FAM200B: variants seen among roughly 807,000 people sequenced by gnomAD.
The protein encoded by FAM200B is zinc finger BED-type containing 11.
A neutral mutation model predicts 33.1 loss-of-function variants in FAM200B; 32 were observed. That is an observed-to-expected ratio of 0.97 (90% CI 0.73 to 1.30). The LOEUF is 1.30. Among genes scored for constraint, FAM200B ranks in the 50% most tolerant of loss-of-function variants. The pLI, the probability that FAM200B is intolerant of heterozygous loss-of-function variation, is 0.00. For synonymous variants in FAM200B, 240 were observed against 264.8 expected (o/e 0.91, Z 0.91); for missense variants, 741 against 754.0 (o/e 0.98, Z 0.20).
Position 15,688,924 on chromosome 4 carries a change from T to TA in FAM200B, c.1948dup (p.Met650AsnfsTer16). On this transcript the variant is annotated frameshift_variant, in exon 2 of 2. Transcript: ENST00000422728. LOFTEE classifies it high-confidence loss of function. ...CCTGTGTTCCAGACTGGAATGAACTTATGAACAGGCAAGCACACCCATCAT... is the reference window on the plus strand; with the variant it reads ...CCTGTGTTCCAGACTGGAATGAACTTAATGAACAGGCAAGCACACCCATCAT... 1.3e-6 allele frequency: 2 copies of TA among 1,524,712 alleles called. No homozygotes were observed. The highest frequency in any genetic ancestry group is 1.2e-5 in the South Asian group (1 of 80,428). The allele number at this position is 1,524,712 out of a possible 1,614,324, so 94.4% of individuals were successfully genotyped here.
At chr4:15,666,230 C>A in the FAM200B span, among the ~76,000 whole-genome samples, 1 of 151,866 alleles carries the variant, frequency 6.6e-6, no homozygotes, top group South Asian at 2.1e-4. Context: ...TAGACTCCAC[C>A]ACCACAAAAA....
chr4:15,680,704 G>A (rs1452880638), upstream of FAM200B, among the ~76,000 whole-genome samples: 2 of 151,804 alleles, frequency 1.3e-5, no homozygotes, highest in Non-Finnish European at 2.9e-5. Flanking sequence ...TCCAGTTGGA[G>A]AATCAAAAAT....
At chr4:15,639,846 G>A in the FAM200B span, among the ~76,000 whole-genome samples, 2 of 152,254 alleles carry the variant, frequency 1.3e-5, no homozygotes, top group African/African-American at 4.8e-5. Context: ...TTGATTATAA[G>A]GTGAAGCTAT....
Position 15,689,132 on chromosome 4 carries a change from A to C in FAM200B, c.*181A>C, listed in dbSNP as rs1719180356. 6.4e-6 allele frequency: 3 copies of C among 466,100 alleles called. No homozygotes were observed. The East Asian group carries it at 1.1e-4, about 17-fold the overall frequency. 28.9% of individuals were successfully genotyped at this position (466,100 alleles called of 1,614,324 possible). On this transcript the variant is annotated 3_prime_UTR_variant, in exon 2 of 2. Coordinates refer to ENST00000422728, the MANE Select transcript of FAM200B (RefSeq NM_001145191.2). Reference sequence around the variant, plus strand: ...ATTTAATGAATTTCTGTTAGAGGCCAGGAACTATTCTAGAGACATTTGGGA... The same window carrying C: ...ATTTAATGAATTTCTGTTAGAGGCCCGGAACTATTCTAGAGACATTTGGGA...
At chr4:15,671,009 C>A in the FAM200B span, among the ~76,000 whole-genome samples, 1 of 150,056 alleles carries the variant, frequency 6.7e-6, no homozygotes, top group Non-Finnish European at 1.5e-5. Context: ...CTATAACCTC[C>A]GCCTCCTGGG....
Position 15,685,543 on chromosome 4 carries a change from G to A in FAM200B, c.-742-693G>A, listed in dbSNP as rs80094455. 8.9e-3 allele frequency among the ~76,000 whole-genome samples: 1,352 copies of A among 152,242 alleles called. 8 individuals are homozygous for A. Among genetic ancestry groups the A allele is most frequent in the Admixed American group, 0.016 (249 of 15,294 alleles). On this transcript the variant is annotated intron_variant, in intron 1 of 1. Coordinates refer to ENST00000422728, the MANE Select transcript of FAM200B (RefSeq NM_001145191.2). ...GAGTATAAGAACCCAAGATGTCTGT[G>A]TTGGGAGTTGGGGGATTCTGGATTG...
the FAM200B span, among the ~76,000 whole-genome samples, chr4:15,640,511 T>C: frequency 3.9e-5 from 6 of 151,966 alleles, no homozygotes; most frequent in African/African-American, 1.2e-4. Context: ...GCATAAGTTA[T>C]TAATATTTAA....
At chr4:15,676,557 T>C in the FAM200B span, among the ~76,000 whole-genome samples, 1 of 152,188 alleles carries the variant, frequency 6.6e-6, no homozygotes, top group South Asian at 2.1e-4. Context: ...TAAAAAACAT[T>C]TTTTGGCAAT....
rs965239362 is a variant in FAM200B, at chr4:15,682,615, T to C, written c.-743+714T>C. Among the ~76,000 whole-genome samples, 6 of 152,370 alleles carry C rather than the reference T, an allele frequency of 3.9e-5. No homozygotes were observed. The East Asian group carries it at 1.2e-3, about 29-fold the overall frequency. On this transcript the variant is annotated intron_variant, in intron 1 of 1. Transcript: ENST00000422728. ...GTCAGTGTTGTGTAACTCCACCTTA[T>C]TCATCTTAATAGCTGAACAGATATT...
At chr4:15,682,161 T>C (rs1371379302) in intron 1 of FAM200B, 1 of 152,332 alleles carries the variant, frequency 6.6e-6, no homozygotes, top group African/African-American at 2.4e-5. Flanking sequence ...AAGAGGGTCA[T>C]GTTTTAATCT....
upstream of FAM200B, among the ~76,000 whole-genome samples, chr4:15,679,592 ACCAACACCCAATGGTC>A (rs1008330528): frequency 2.6e-5 from 4 of 151,698 alleles, no homozygotes; most frequent in African/African-American, 9.7e-5. Flanking sequence ...AAAACAAAAA[ACCAACACCCAATGGTC>A]CCAATTCAAT....
Position 15,687,395 on chromosome 4 carries a change from A to C in FAM200B, c.418A>C (p.Thr140Pro). ...ATCAACACAATTTCTTAGTTGTTCT[A>C]CTGCTGTTAGTGAGAAAGCCTTATT... Reference protein sequence around the residue: ...KLSTQFLSCSTAVSEKALLSS... With the variant: ...KLSTQFLSCSPAVSEKALLSS... Residue 140 changes from threonine to proline, a missense_variant, in exon 2 of 2, where the codon ACT becomes CCT. Coordinates refer to ENST00000422728, the MANE Select transcript of FAM200B (RefSeq NM_001145191.2). The C allele has an allele frequency of 6.5e-7, 1 of 1,545,728 alleles. No individual in the cohort carries two copies. Among genetic ancestry groups the C allele is most frequent in the Non-Finnish European group, 8.7e-7 (1 of 1,144,140 alleles).
chr4:15,640,021 T>C, the FAM200B span, among the ~76,000 whole-genome samples: 1 of 152,128 alleles, frequency 6.6e-6, no homozygotes, highest in Non-Finnish European at 1.5e-5. Flanking sequence ...ACATGTACAG[T>C]AGGCTTAAGA....
At chr4:15,667,626 G>T in the FAM200B span, among the ~76,000 whole-genome samples, 5 of 152,044 alleles carry the variant, frequency 3.3e-5, no homozygotes, top group Admixed American at 3.3e-4. Context: ...TCTGAACAAG[G>T]ACTTTGCCTG....
chr4:15,662,033 G>T, the FAM200B span, among the ~76,000 whole-genome samples: 14 of 152,324 alleles, frequency 9.2e-5, no homozygotes, highest in East Asian at 2.5e-3. Context: ...GAGAGCAAAT[G>T]ATTTCAAACC....
chr4:15,687,463 A>C lies in FAM200B; in HGVS notation c.486A>C (p.Ile162=), dbSNP rs1311759945. The C allele has an allele frequency of 1.9e-6, 3 of 1,551,148 alleles. No homozygotes were observed. The highest frequency in any genetic ancestry group is 2.6e-6 in the Non-Finnish European group (3 of 1,146,774). The change falls in exon 2 of 2, where the codon ATA becomes ATC. Residue 162 remains isoleucine (I), a synonymous_variant. Transcript: ENST00000422728. ...CATATCGTGTGGCAAAAGAGAAAAT[A>C]GCTAACACAGCTGCTGAAAAAATTA... ...LVAYRVAKEK[I]ANTAAEKIIL... is the part of the protein sequence containing the mutation.
the FAM200B span, chr4:15,659,911 T>C: frequency 6.4e-6 from 1 of 155,652 alleles, no homozygotes; most frequent in Non-Finnish European, 1.4e-5. Context: ...AGTGAGAAAG[T>C]ATCACAAGTT....
the FAM200B span, among the ~76,000 whole-genome samples, chr4:15,639,423 G>A: frequency 6.6e-6 from 1 of 152,202 alleles, no homozygotes; most frequent in Non-Finnish European, 1.5e-5. Flanking sequence ...GAACTCTACT[G>A]AGACATTTAA....
the FAM200B span, among the ~76,000 whole-genome samples, chr4:15,669,643 A>C: frequency 6.6e-6 from 1 of 152,186 alleles, no homozygotes; most frequent in Non-Finnish European, 1.5e-5. Context: ...ATCAACCCAC[A>C]GAAAATGTAA....
Sources: allele counts gnomAD v4.1 joint callset (sites outside exome capture counted in the v4.1 genomes callset), GRCh38; gene constraint gnomAD v4.1.1; transcripts MANE v1.5; gene names NCBI Gene and HGNC (gene_info 2026-07-23, HGNC 2026-07-21).